CEP44: variants seen among roughly 807,000 people sequenced by gnomAD.
The protein encoded by CEP44 is centrosomal protein 44.
A neutral mutation model predicts 46.7 loss-of-function variants in CEP44; 45 were observed. The ratio of observed to expected loss-of-function variants is 0.96; its 90% CI spans 0.76 to 1.24. CEP44 has a LOEUF of 1.24. CEP44 is among the 50% of genes most tolerant of loss of function. CEP44 has a pLI of 0.00. For missense variants in CEP44, 475 were observed against 459.7 expected (o/e 1.03, Z -0.30); for synonymous variants, 142 against 146.0 (o/e 0.97, Z 0.20).
downstream of CEP44, among the ~76,000 whole-genome samples, chr4:174,321,134 A>G (rs1158321742): frequency 6.6e-6 from 1 of 152,162 alleles, no homozygotes; most frequent in East Asian, 1.9e-4. Context: ...CTCTTGACCT[A>G]CTTACTACAT....
chr4:174,317,885 A>G lies in CEP44; in HGVS notation c.*502A>G. On this transcript the variant is annotated 3_prime_UTR_variant, in exon 12 of 12. Transcript: ENST00000503780. ...AATAAAACAAAAAGGCAGTTATTTC[A>G]TGCTTGGTCAAAAACATCAATACCT... 2 of 985,680 alleles carry G rather than the reference A, an allele frequency of 2.0e-6. No individual in the cohort carries two copies. Among genetic ancestry groups the G allele is most frequent in the Non-Finnish European group, 2.4e-6 (2 of 829,868 alleles). The allele number at this position is 985,680 out of a possible 1,614,324, so 61.1% of individuals were successfully genotyped here.
chr4:174,308,661 T>G (rs775043276), intron 6 of CEP44, 28 bp from the exon 7 acceptor site: 4 of 1,564,816 alleles, frequency 2.6e-6, no homozygotes, highest in Non-Finnish European at 3.5e-6. Context: ...AACATTGAAG[T>G]GTTTCTTACA....
Position 174,309,950 on chromosome 4 carries a change from G to A in CEP44, c.779G>A (p.Cys260Tyr), listed in dbSNP as rs747681903. Reference sequence around the variant, plus strand: ...ACTTCGATAGAGAAAAGGTTAGACTGTTTGGAACAAAAAATGAAAGGAAAA... The same window carrying A: ...ACTTCGATAGAGAAAAGGTTAGACTATTTGGAACAAAAAATGAAAGGAAAA... ...KLTSIEKRLD[C>Y]LEQKMKGKVM... Residue 260 changes from cysteine to tyrosine, a missense_variant, in exon 8 of 12, where the codon TGT becomes TAT. Physicochemically the swap from Cys to Tyr is radical, Grantham distance 194. Transcript: ENST00000503780. This position sits in a 1 kb window ranked among gnomAD's most constrained non-coding sequence, Gnocchi z 5.3. 1.9e-6 allele frequency: 3 copies of A among 1,612,738 alleles called. No individual in the cohort carries two copies. The South Asian group carries it at 3.3e-5, about 18-fold the overall frequency.
Position 174,312,504 on chromosome 4 carries a change from A to G in CEP44, c.961+1646A>G, listed in dbSNP as rs1006629803. ...GTTTTTAGTAAAACAAGGTCTTGCTATGTTGCTCAGGCTGGTCTTGAACTC... is the reference window on the plus strand; with the variant it reads ...GTTTTTAGTAAAACAAGGTCTTGCTGTGTTGCTCAGGCTGGTCTTGAACTC... On this transcript the variant is annotated intron_variant, in intron 9 of 11. Transcript: ENST00000503780. This position sits in a 1 kb window ranked among gnomAD's most constrained non-coding sequence, Gnocchi z 4.5. Among the ~76,000 whole-genome samples the G allele has an allele frequency of 7.2e-5, 11 of 151,988 alleles. No homozygotes were observed. The highest frequency in any genetic ancestry group is 5.2e-4 in the Admixed American group (8 of 15,258).
At position 174,317,573 on chromosome 4, in the gene CEP44, T is replaced by C. The variant is rs1741881612; in HGVS notation, c.*190T>C. 2.6e-6 allele frequency: 3 copies of C among 1,158,544 alleles called. No individual in the cohort carries two copies. Among genetic ancestry groups the C allele is most frequent in the Non-Finnish European group, 3.2e-6 (3 of 935,120 alleles). The allele number at this position is 1,158,544 out of a possible 1,614,324, so 71.8% of individuals were successfully genotyped here. ...TATTTTTGAGCAATGATTATACTGC[T>C]TTACCTTGTGTCACTTTTTTTTTTT... On this transcript the variant is annotated 3_prime_UTR_variant, in exon 12 of 12. Coordinates refer to ENST00000503780, the MANE Select transcript of CEP44 (RefSeq NM_001040157.3).
intron 4 of CEP44, among the ~76,000 whole-genome samples, chr4:174,302,468 A>C (rs1445623142): frequency 6.6e-6 from 1 of 152,122 alleles, no homozygotes; most frequent in Non-Finnish European, 1.5e-5. Flanking sequence ...ATATACTGGC[A>C]GAAATTAGAG....
At chr4:174,307,722 G>A (rs1467906299) in intron 6 of CEP44, among the ~76,000 whole-genome samples, 1 of 151,956 alleles carries the variant, frequency 6.6e-6, no homozygotes, top group African/African-American at 2.4e-5. Flanking sequence ...TCTGACAAAG[G>A]CCTAATATCT....
chr4:174,317,267 A>G, intron 11 of CEP44, 68 bp from the exon 12 acceptor site: 2 of 643,224 alleles, frequency 3.1e-6, no homozygotes, highest in Non-Finnish European at 4.7e-6. Flanking sequence ...GCATAATTTC[A>G]ACAACTAAAA....
downstream of CEP44, among the ~76,000 whole-genome samples, chr4:174,321,614 C>T (rs1170677595): frequency 6.6e-6 from 1 of 152,044 alleles, no homozygotes; most frequent in Admixed American, 6.6e-5. Flanking sequence ...GCCCAAAGTA[C>T]AACAGGCAAT....
At chr4:174,289,840 T>G (rs1320782596) in intron 1 of CEP44, among the ~76,000 whole-genome samples, 1 of 151,872 alleles carries the variant, frequency 6.6e-6, no homozygotes, top group Non-Finnish European at 1.5e-5. Context: ...TTGAGACCTT[T>G]TTTTTTTTTT....
intron 8 of CEP44, among the ~76,000 whole-genome samples, chr4:174,330,612 T>C (rs1579186083): frequency 6.7e-6 from 1 of 149,892 alleles, no homozygotes; most frequent in East Asian, 2.2e-4. Flanking sequence ...AACTACAAAA[T>C]ATTCTTTCCT....
At chr4:174,293,426 A>G (rs1738467618) in intron 1 of CEP44, among the ~76,000 whole-genome samples, 1 of 152,164 alleles carries the variant, frequency 6.6e-6, no homozygotes, top group Non-Finnish European at 1.5e-5. Context: ...TGTGAAGGAC[A>G]AGGGCTGGGG....
chr4:174,320,081 G>A lies in CEP44; in HGVS notation c.*2698G>A. 1 of 984,934 alleles carries A rather than the reference G, an allele frequency of 1.0e-6. No individual in the cohort carries two copies. The highest frequency in any genetic ancestry group is 1.2e-6 in the Non-Finnish European group (1 of 829,808). 61.0% of individuals were successfully genotyped at this position (984,934 alleles called of 1,614,324 possible). A position where few individuals can be genotyped will look rare whatever the true frequency, so the allele number is the denominator to read the frequency against. On this transcript the variant is annotated 3_prime_UTR_variant, in exon 12 of 12. Coordinates refer to ENST00000503780, the MANE Select transcript of CEP44 (RefSeq NM_001040157.3). ...AACAAAGGTGTCAGTTGCTTGTGCT[G>A]CCCTGTCTATGTTATGCTCTGAATA...
At chr4:174,327,686 T>C (rs1731049928) in intron 8 of CEP44, among the ~76,000 whole-genome samples, 1 of 152,056 alleles carries the variant, frequency 6.6e-6, no homozygotes, top group Non-Finnish European at 1.5e-5. Flanking sequence ...CTGACTGTAG[T>C]GGGGAATGGA....
chr4:174,314,434 A>G lies in CEP44; in HGVS notation c.962-1732A>G, dbSNP rs893988837. On this transcript the variant is annotated intron_variant, in intron 9 of 11. Coordinates refer to ENST00000503780, the MANE Select transcript of CEP44 (RefSeq NM_001040157.3). The surrounding 1 kb of genome is among the most constrained non-coding windows in gnomAD (Gnocchi z 4.1). ...TATTAAATATAGCTGGTGTTCTGTA[A>G]TGGTCCACTCTGTAGCCTCTGGAAT... is the stretch of plus-strand genomic sequence containing the variant. 6.6e-6 allele frequency among the ~76,000 whole-genome samples: 1 copy of G among 152,212 alleles called. No individual in the cohort carries two copies. Among genetic ancestry groups the G allele is most frequent in the Non-Finnish European group, 1.5e-5 (1 of 68,036 alleles).
chr4:174,308,846 A>G lies in CEP44; in HGVS notation c.665A>G (p.Lys222Arg). 1 of 1,612,938 alleles carries G rather than the reference A, an allele frequency of 6.2e-7. No individual in the cohort carries two copies. Reference sequence around the variant, plus strand: ...CCTGAAGTAAAGGTTCCTGAAATCAAGGCTGAGCAACAGGTAACAACTTTG... The same window carrying G: ...CCTGAAGTAAAGGTTCCTGAAATCAGGGCTGAGCAACAGGTAACAACTTTG... ...KMPEVKVPEI[K>R]AEQQDVNVNP... is the part of the protein sequence containing the mutation. The change falls in exon 7 of 12, where the codon AAG (lysine) becomes AGG (arginine). Residue 222 changes from lysine to arginine, a missense_variant. Lys to Arg is a conservative substitution (Grantham distance 26, BLOSUM62 2). Coordinates refer to ENST00000503780, the MANE Select transcript of CEP44 (RefSeq NM_001040157.3).
At position 174,316,528 on chromosome 4, in the gene CEP44, AG is replaced by A; in HGVS notation, c.1087del. ...CTAAATTTGTTGCTTTTTAAATTAA[AG>A]GAAACAACAATCCAGAAAATGGAAA... On this transcript the variant is annotated splice_acceptor_variant, in intron 10 of 11. Transcript: ENST00000503780. LOFTEE classifies it high-confidence loss of function. The A allele has an allele frequency of 1.9e-6, 3 of 1,585,520 alleles. No individual in the cohort carries two copies. Among genetic ancestry groups the A allele is most frequent in the Non-Finnish European group, 2.6e-6 (3 of 1,164,182 alleles).
At chr4:174,294,874 C>A (rs1265799812) in intron 1 of CEP44, among the ~76,000 whole-genome samples, 1 of 142,556 alleles carries the variant, frequency 7.0e-6, no homozygotes, top group Non-Finnish European at 1.6e-5. Context: ...CACCTCCCTC[C>A]CGGACGGGGC....
At chr4:174,327,977 G>A (rs1731070558) in intron 8 of CEP44, among the ~76,000 whole-genome samples, 1 of 152,102 alleles carries the variant, frequency 6.6e-6, no homozygotes, top group Non-Finnish European at 1.5e-5. Context: ...TGGGAAAATA[G>A]TTTTTAAAAA....
Sources: gnomAD v4.1 joint callset for allele counts (sites outside exome capture counted in the v4.1 genomes callset) on GRCh38, gnomAD v4.1.1 for gene constraint, Gnocchi (gnomAD v3.1) non-coding constraint, MANE v1.5 for transcripts, NCBI Gene and HGNC (gene_info 2026-07-23, HGNC 2026-07-21) for gene names.